The following PROP1 variants were observed in gnomAD, a reference collection of about 807,000 sequenced individuals.
The protein encoded by PROP1 is PROP paired-like homeobox 1, also known as homeobox protein prophet of Pit-1.
PROP1 carries 12 observed loss-of-function variants against 22.3 expected under a neutral mutation model. The ratio of observed to expected loss-of-function variants is 0.54; its 90% CI spans 0.34 to 0.87. The LOEUF (loss-of-function observed/expected upper bound fraction) is 0.87. Among genes scored for constraint, PROP1 ranks in the 40% least tolerant of loss-of-function variants. PROP1 has a pLI of 0.01. For missense variants in PROP1, 278 were observed against 295.1 expected, an observed-to-expected ratio of 0.94 and a Z score of 0.43; for synonymous variants, 112 against 116.7, an observed-to-expected ratio of 0.96 and a Z score of 0.26.
At position 177,995,820 on chromosome 5, in the gene PROP1, C is replaced by A; in HGVS notation, c.109+5G>T. 6.2e-7 allele frequency: 1 copy of A among 1,612,198 alleles called. No homozygotes were observed. Among genetic ancestry groups the A allele is most frequent in the Non-Finnish European group, 8.5e-7 (1 of 1,178,862 alleles). ...GGACCCACGCACACCGGGACGGTCA[C>A]TCACCCACCGTGGTGGTCGGGGTCC... On this transcript the variant is annotated splice_donor_5th_base_variant and intron_variant, in intron 1 of 2. Coordinates refer to ENST00000308304, the MANE Select transcript of PROP1 (RefSeq NM_006261.5).
At position 177,995,855 on chromosome 5, in the gene PROP1, G is replaced by C. The variant is rs774387718; in HGVS notation, c.79C>G (p.Pro27Ala). 15 of 1,613,796 alleles carry C rather than the reference G, an allele frequency of 9.3e-6. No homozygotes were observed. In the Admixed American group the frequency reaches 2.5e-4, roughly 27 times the overall value. The change falls in exon 1 of 3, where the codon CCG becomes GCG. Residue 27 changes from proline (P) to alanine (A), a missense_variant. Coordinates refer to ENST00000308304, the MANE Select transcript of PROP1 (RefSeq NM_006261.5). ...VGSNLLPERH[P>A]ATGTPTTTVD... is the part of the protein sequence containing the mutation. ...GTGGTGGTCGGGGTCCCAGTGGCCG[G>C]GTGTCTCTCAGGCAACAGGTTGCTG...
In PROP1 at chr5:177,992,541, C is replaced by T; in HGVS notation, c.*168G>A. On this transcript the variant is annotated 3_prime_UTR_variant, in exon 3 of 3. Transcript: ENST00000308304. ...ACCTCCCCAGACTTCCTCCACTAAT[C>T]ACCCCAGTGAGAATTCACCATGATC... is the stretch of plus-strand genomic sequence containing the variant. 1.6e-6 allele frequency: 1 copy of T among 608,932 alleles called. No homozygotes were observed. Among genetic ancestry groups the T allele is most frequent in the Non-Finnish European group, 2.9e-6 (1 of 347,584 alleles). The allele number at this position is 608,932 out of a possible 1,614,324, so 37.7% of individuals were successfully genotyped here.
At position 177,995,812 on chromosome 5, in the gene PROP1, G is replaced by A. The variant is rs759210335; in HGVS notation, c.109+13C>T. On this transcript the variant is annotated intron_variant, in intron 1 of 2. Transcript: ENST00000308304. ...CTCCTCAGGGACCCACGCACACCGG[G>A]ACGGTCACTCACCCACCGTGGTGGT... 1.7e-5 allele frequency: 27 copies of A among 1,606,464 alleles called. No homozygotes were observed. The highest frequency in any genetic ancestry group is 2.3e-5 in the Non-Finnish European group (27 of 1,174,202).
In PROP1 at chr5:177,992,502, T is replaced by G; in HGVS notation, c.*207A>C. On this transcript the variant is annotated 3_prime_UTR_variant, in exon 3 of 3. Coordinates refer to ENST00000308304, the MANE Select transcript of PROP1 (RefSeq NM_006261.5). ...CTCCACCGAGGCATCTTGCCCTGTC[T>G]CTTCCAGTAGCTCACCTCCCCAGAC... 1 of 580,188 alleles carries G rather than the reference T, an allele frequency of 1.7e-6. No individual in the cohort carries two copies. Among genetic ancestry groups the G allele is most frequent in the South Asian group, 2.3e-5 (1 of 42,998 alleles). 35.9% of individuals were successfully genotyped at this position (580,188 alleles called of 1,614,324 possible).
In PROP1 at chr5:177,992,639, G is replaced by C. The variant is rs1184597403; in HGVS notation, c.*70C>G. On this transcript the variant is annotated 3_prime_UTR_variant, in exon 3 of 3. Coordinates refer to ENST00000308304, the MANE Select transcript of PROP1 (RefSeq NM_006261.5). ...TGCTTCACCCATAGATGGAAAGGAA[G>C]CCACCCCATTTTCTTGTCTTTTCAC... 14 of 1,086,860 alleles carry C rather than the reference G, an allele frequency of 1.3e-5. No homozygotes were observed. Among genetic ancestry groups the C allele is most frequent in the Non-Finnish European group, 1.9e-5 (14 of 750,688 alleles). The allele number at this position is 1,086,860 out of a possible 1,614,324, so 67.3% of individuals were successfully genotyped here.
Position 177,994,296 on chromosome 5 carries a change from C to A in PROP1, c.152G>T (p.Gly51Val), listed in dbSNP as rs2233783. Reference sequence around the variant, plus strand: ...TTGCGGGGAGAACCTTGATCTCCCCCCTCCTGCACCAGGGAGCCTTCTGCA... The same window carrying A: ...TTGCGGGGAGAACCTTGATCTCCCCACTCCTGCACCAGGGAGCCTTCTGCA... ...PPCRRLPGAG[G>V]GRSRFSPQGG... The change falls in exon 2 of 3, where the codon GGG becomes GTG. Residue 51 changes from glycine (G) to valine (V), a missense_variant. By Grantham distance (109) the Gly-to-Val change is moderately radical (BLOSUM62 -3). Coordinates refer to ENST00000308304, the MANE Select transcript of PROP1 (RefSeq NM_006261.5). 100 of 1,611,478 alleles carry A rather than the reference C, an allele frequency of 6.2e-5. No individual in the cohort carries two copies. The East Asian group carries it at 1.3e-3, about 21-fold the overall frequency.
At chr5:177,994,505 ACAGCTCACTG>A (rs917851870) in intron 1 of PROP1, among the ~76,000 whole-genome samples, 167 bp from the exon 2 acceptor site, 7 of 152,036 alleles carry the variant, frequency 4.6e-5, no homozygotes, top group African/African-American at 1.2e-4. Flanking sequence ...TGGTGTGATC[ACAGCTCACTG>A]CAGCCTCGAA....
rs1447680742 is a variant in PROP1 at position 177,992,518 on chromosome 5, C to T, written c.*191G>A. The T allele has an allele frequency of 5.1e-6, 3 of 585,970 alleles. No homozygotes were observed. The highest frequency in any genetic ancestry group is 9.1e-6 in the Non-Finnish European group (3 of 331,344). 36.3% of individuals were successfully genotyped at this position (585,970 alleles called of 1,614,324 possible). On this transcript the variant is annotated 3_prime_UTR_variant, in exon 3 of 3. Coordinates refer to ENST00000308304, the MANE Select transcript of PROP1 (RefSeq NM_006261.5). ...TGCCCTGTCTCTTCCAGTAGCTCAC[C>T]TCCCCAGACTTCCTCCACTAATCAC... is the stretch of plus-strand genomic sequence containing the variant.
intron 1 of PROP1, 128 bp downstream of exon 1, chr5:177,995,697 C>T (rs1755750817): frequency 2.6e-6 from 2 of 755,050 alleles, no homozygotes; most frequent in African/African-American, 3.5e-5. Context: ...TTCAAAGGTT[C>T]CCACAGTTTT....
intron 2 of PROP1, among the ~76,000 whole-genome samples, chr5:177,993,453 G>A (rs1461066429): frequency 1.3e-5 from 2 of 152,236 alleles, no homozygotes; most frequent in Non-Finnish European, 2.9e-5. Context: ...CAACCCTGGG[G>A]TTAGGATTGA....
At chr5:177,995,770 A>T in intron 1 of PROP1, 55 bp downstream of exon 1, 1 of 1,359,120 alleles carries the variant, frequency 7.4e-7, no homozygotes, top group Non-Finnish European at 1.0e-6. Context: ...CTATGCTTTC[A>T]GCCTCACACC....
At position 177,995,105 on chromosome 5, in the gene PROP1, C is replaced by T. The variant is rs527930803; in HGVS notation, c.109+720G>A. ...GGCGAGGCTCCTGTTCAACCTGTGC[C>T]TTCTTCAGACTGCTGCCATCTCCCG... On this transcript the variant is annotated intron_variant, in intron 1 of 2. Coordinates refer to ENST00000308304, the MANE Select transcript of PROP1 (RefSeq NM_006261.5). Among the ~76,000 whole-genome samples, 40 of 152,222 alleles carry T rather than the reference C, an allele frequency of 2.6e-4. No individual in the cohort carries two copies. In the South Asian group the frequency reaches 6.6e-3, roughly 25 times the overall value.
At chr5:177,994,038 A>C in intron 2 of PROP1, 68 bp downstream of exon 2, 1 of 1,561,782 alleles carries the variant, frequency 6.4e-7, no homozygotes, top group Non-Finnish European at 8.8e-7. Flanking sequence ...TATAATGCCC[A>C]ACATTCTATG....
rs7445271 is a variant in PROP1 at position 177,995,875 on chromosome 5, T to C, written c.59A>G (p.Asn20Ser). Residue 20 changes from asparagine to serine, a missense_variant, in exon 1 of 3, where the codon AAC becomes AGC. Coordinates refer to ENST00000308304, the MANE Select transcript of PROP1 (RefSeq NM_006261.5). ...EKPKKGRVGS[N>S]LLPERHPATG... ...GGCCGGGTGTCTCTCAGGCAACAGG[T>C]TGCTGCCGACTCGCCCCTTCTTTGG... The C allele has an allele frequency of 1, 1,614,023 of 1,614,118 alleles. 806,964 individuals carry two copies. Among genetic ancestry groups the C allele is most frequent in the East Asian group, 1 (44,858 of 44,858 alleles).
rs929156061 is a variant in PROP1 at position 177,992,888 on chromosome 5, G to A, written c.502C>T (p.Pro168Ser). The change falls in exon 3 of 3, where the codon CCT becomes TCT. Residue 168 changes from proline (P) to serine (S), a missense_variant. Coordinates refer to ENST00000308304, the MANE Select transcript of PROP1 (RefSeq NM_006261.5). ...AAPPPPVTCFPHPYSHALPSQ... is the reference protein window; with the variant it reads ...AAPPPPVTCFSHPYSHALPSQ... The stretch of plus-strand genomic sequence containing the variant: ...GGGAGGGCATGGCTGTAGGGGTGAG[G>A]GAAGCAGGTCACTGGTGGTGGTGGT... 6.2e-7 allele frequency: 1 copy of A among 1,613,826 alleles called. No homozygotes were observed. The highest frequency in any genetic ancestry group is 1.7e-4 in the Middle Eastern group (1 of 6,006).
rs779446165 is a variant in PROP1 at position 177,992,924 on chromosome 5, A to G, written c.466T>C (p.Ser156Pro). ...FLPESTACPY[S>P]YAAPPPPVTC... ...ACTGGTGGTGGTGGTGCTGCGTAAGAATAGGGGCAAGCAGTGGACTCTGGC... is the reference window on the plus strand; with the variant it reads ...ACTGGTGGTGGTGGTGCTGCGTAAGGATAGGGGCAAGCAGTGGACTCTGGC... Residue 156 changes from serine (S) to proline (P), a missense_variant, in exon 3 of 3, where the codon TCT (serine) becomes CCT (proline). Physicochemically the swap from Ser to Pro is moderately conservative, Grantham distance 74 (BLOSUM62 -1). Coordinates refer to ENST00000308304, the MANE Select transcript of PROP1 (RefSeq NM_006261.5). 1.2e-6 allele frequency: 2 copies of G among 1,613,826 alleles called. No homozygotes were observed.
chr5:177,993,772 A>G (rs1285475519), intron 2 of PROP1, among the ~76,000 whole-genome samples: 1 of 152,082 alleles, frequency 6.6e-6, no homozygotes, highest in Non-Finnish European at 1.5e-5. Context: ...TCACCATGTT[A>G]ACCAGGCTGG....
chr5:177,993,787 G>A (rs1044207040), intron 2 of PROP1, among the ~76,000 whole-genome samples: 6 of 152,094 alleles, frequency 3.9e-5, no homozygotes, highest in South Asian at 2.1e-4. Flanking sequence ...GGCTGGTCTC[G>A]AACTCTTAAC....
At position 177,993,016 on chromosome 5, in the gene PROP1, C is replaced by T. The variant is rs760384860; in HGVS notation, c.374G>A (p.Arg125Gln). 5 of 1,613,674 alleles carry T rather than the reference C, an allele frequency of 3.1e-6. No homozygotes were observed. The highest frequency in any genetic ancestry group is 3.3e-5 in the Admixed American group (2 of 59,954). Residue 125 changes from arginine to glutamine, a missense_variant, in exon 3 of 3, where the codon CGG (arginine) becomes CAG (glutamine). Transcript: ENST00000308304. ...VWFQNRRAKQ[R>Q]KQERSLLQPL... ...CTGAAGCAGTGAGCGCTCTTGCTTC[C>T]GTTGCTTAGCTCTGCGGTTCTGGAA...
Sources: gnomAD v4.1 joint callset for allele counts (sites outside exome capture counted in the v4.1 genomes callset) on GRCh38, gnomAD v4.1.1 for gene constraint, MANE v1.5 for transcripts, NCBI Gene and HGNC (gene_info 2026-07-23, HGNC 2026-07-21) for gene names.